THBS4: variants seen among roughly 807,000 people sequenced by gnomAD.
THBS4 encodes the protein thrombospondin 4, also known as thrombospondin-4.
A neutral mutation model predicts 115.7 loss-of-function variants in THBS4; 90 were observed. The ratio of observed to expected loss-of-function variants is 0.78; its 90% CI spans 0.66 to 0.93. The LOEUF is 0.93. THBS4 is among the 40% of genes least tolerant of loss of function. The pLI is 0.00. For missense variants in THBS4, 1,087 were observed against 1,232.7 expected (o/e 0.88, Z 1.77); for synonymous variants, 460 against 479.3 (o/e 0.96, Z 0.53).
chr5:80,036,787 T>C (rs1322126739), intron 1 of THBS4, among the ~76,000 whole-genome samples: 2 of 152,218 alleles, frequency 1.3e-5, no homozygotes, highest in Non-Finnish European at 2.9e-5. Flanking sequence ...TATTACTGAC[T>C]GTGGAAGTAA....
In THBS4 at chr5:80,040,283, A is replaced by G; in HGVS notation, c.292+3A>G. On this transcript the variant is annotated splice_donor_region_variant and intron_variant, in intron 2 of 21. Coordinates refer to ENST00000350881, the MANE Select transcript of THBS4 (RefSeq NM_003248.6). ...TGTGATGGGACGCTTAAACAAAGGT[A>G]AGCAAATTTGCTGAAATTATTTTCT... 6.2e-7 allele frequency: 1 copy of G among 1,609,150 alleles called. No individual in the cohort carries two copies. Among genetic ancestry groups the G allele is most frequent in the Non-Finnish European group, 8.5e-7 (1 of 1,176,714 alleles).
intron 2 of THBS4, among the ~76,000 whole-genome samples, chr5:80,054,525 T>C (rs1833361068): frequency 6.6e-6 from 1 of 152,158 alleles, no homozygotes; most frequent in Non-Finnish European, 1.5e-5. Context: ...TTCACCATAT[T>C]GGTCAGGCTG....
intron 2 of THBS4, among the ~76,000 whole-genome samples, chr5:80,042,178 T>C (rs893869876): frequency 1.3e-5 from 2 of 152,188 alleles, no homozygotes; most frequent in Admixed American, 6.5e-5. Context: ...CCTGTCCCCC[T>C]TTCCCCATCT....
chr5:80,017,271 AAG>A (rs931124223), intron 2 of THBS4, among the ~76,000 whole-genome samples: 1 of 152,180 alleles, frequency 6.6e-6, no homozygotes, highest in Non-Finnish European at 1.5e-5. Context: ...TCGAATCTGA[AAG>A]AAATTTTTTA....
At chr5:79,993,009 G>A (rs1831717581) in intron 1 of THBS4, among the ~76,000 whole-genome samples, 1 of 152,192 alleles carries the variant, frequency 6.6e-6, no homozygotes, top group African/African-American at 2.4e-5. Context: ...ACTACATTCA[G>A]GCATTTAAAA....
In THBS4 at chr5:80,070,423, G is replaced by A; in HGVS notation, c.1452+13G>A. On this transcript the variant is annotated intron_variant, in intron 11 of 21. Transcript: ENST00000350881. Reference sequence around the variant, plus strand: ...GAACTGTAAAAAGGTAAGGGGTGTGGGGTGGCAGTAGGCACACATGCACTG... The same window carrying A: ...GAACTGTAAAAAGGTAAGGGGTGTGAGGTGGCAGTAGGCACACATGCACTG... The A allele has an allele frequency of 6.2e-7, 1 of 1,611,952 alleles. No individual in the cohort carries two copies. The highest frequency in any genetic ancestry group is 8.5e-7 in the Non-Finnish European group (1 of 1,178,012).
At chr5:80,025,516 G>A (rs549182841) in intron 2 of THBS4, among the ~76,000 whole-genome samples, 1 of 152,296 alleles carries the variant, frequency 6.6e-6, no homozygotes, top group South Asian at 2.1e-4. Context: ...GGGAGCTGCT[G>A]TGGATGAAGT....
At chr5:80,014,676 T>G (rs2434319) in intron 2 of THBS4, among the ~76,000 whole-genome samples, 2 of 152,040 alleles carry the variant, frequency 1.3e-5, no homozygotes, top group Non-Finnish European at 2.9e-5. Flanking sequence ...ATTTGGGGTA[T>G]GAGGAATGTG....
rs1037011240 is a variant in THBS4, at chr5:80,058,207, ACTT to A, written c.546_548del (p.Phe182del). On this transcript the variant is annotated inframe_deletion and splice_region_variant, in exon 4 of 22. Coordinates refer to ENST00000350881, the MANE Select transcript of THBS4 (RefSeq NM_003248.6). ...TGGTATGAATGTGATTTCTTCCAGGACTTCTTGGAAGAGCTGAAGCTGGTGGTG... is the reference window on the plus strand; with the variant it reads ...TGGTATGAATGTGATTTCTTCCAGGACTTGGAAGAGCTGAAGCTGGTGGTG... 1.3e-5 allele frequency: 21 copies of A among 1,568,670 alleles called. No homozygotes were observed. Among genetic ancestry groups the A allele is most frequent in the Non-Finnish European group, 1.8e-5 (21 of 1,155,126 alleles).
At chr5:80,080,148 T>G (rs1381407319) in intron 20 of THBS4, 71 bp downstream of exon 20, 1 of 1,508,144 alleles carries the variant, frequency 6.6e-7, no homozygotes, top group East Asian at 2.4e-5. Flanking sequence ...CCCAGAGCCT[T>G]CATTTCCCTG....
chr5:80,002,986 C>A (rs1831934803), intron 2 of THBS4, among the ~76,000 whole-genome samples: 1 of 150,788 alleles, frequency 6.6e-6, no homozygotes, highest in East Asian at 1.9e-4. Context: ...TTCCCTGATT[C>A]TTAACAGAAC....
intron 6 of THBS4, 34 bp downstream of exon 6, chr5:80,059,525 T>A (rs1231656542): frequency 1.9e-6 from 3 of 1,613,444 alleles, no homozygotes; most frequent in Non-Finnish European, 2.5e-6. Flanking sequence ...CTCGCCTGAG[T>A]TGGATGATGC....
intron 1 of THBS4, among the ~76,000 whole-genome samples, chr5:79,994,848 A>G (rs778300564): frequency 6.6e-6 from 1 of 152,260 alleles, no homozygotes; most frequent in Non-Finnish European, 1.5e-5. Flanking sequence ...ATTAGGAAGT[A>G]CCATTTTGTC....
chr5:80,059,796 A>T lies in THBS4; in HGVS notation c.878A>T (p.Asn293Ile). The change falls in exon 7 of 22, where the codon AAC (asparagine) becomes ATC (isoleucine). Residue 293 changes from asparagine (N) to isoleucine (I), a missense_variant. Physicochemically the swap from Asn to Ile is moderately radical, Grantham distance 149. Around this residue, in one of 3 missense-constraint regions of THBS4, gnomAD observed 979 missense variants for 1,103.7 expected, o/e 0.89. Coordinates refer to ENST00000350881, the MANE Select transcript of THBS4 (RefSeq NM_003248.6). Reference protein sequence around the residue: ...PTRPPRRCDSNPCFRGVQCTD... With the variant: ...PTRPPRRCDSIPCFRGVQCTD... ...CGCCCACCTCGTCGGTGTGACTCCAACCCATGTTTCCGAGGTGTCCAATGT... is the reference window on the plus strand; with the variant it reads ...CGCCCACCTCGTCGGTGTGACTCCATCCCATGTTTCCGAGGTGTCCAATGT... 6.2e-7 allele frequency: 1 copy of T among 1,614,104 alleles called. No individual in the cohort carries two copies. Among genetic ancestry groups the T allele is most frequent in the South Asian group, 1.1e-5 (1 of 91,080 alleles).
chr5:80,059,877 A>G lies in THBS4; in HGVS notation c.959A>G (p.Asn320Ser), dbSNP rs530188361. ...CCCTGCCCCGAGGGCTACACAGGAA[A>G]CGGGATCACCTGTATTGATGTTGAT... ...CGPCPEGYTG[N>S]GITCIDVDEC... The change falls in exon 7 of 22, where the codon AAC becomes AGC. Residue 320 changes from asparagine to serine, a missense_variant. Physicochemically the swap from Asn to Ser is conservative, Grantham distance 46. Around this residue, in one of 3 missense-constraint regions of THBS4, gnomAD observed 979 missense variants for 1,103.7 expected, o/e 0.89. Transcript: ENST00000350881. 2.3e-4 allele frequency: 372 copies of G among 1,614,152 alleles called. 9 individuals are homozygous for G. In the South Asian group the frequency reaches 3.8e-3, roughly 16 times the overall value.
intron 1 of THBS4, among the ~76,000 whole-genome samples, chr5:80,037,558 T>C (rs556186298): frequency 6.6e-6 from 1 of 152,286 alleles, no homozygotes; most frequent in East Asian, 1.9e-4. Flanking sequence ...CAAAACACTC[T>C]CTATGTTCAT....
intron 2 of THBS4, among the ~76,000 whole-genome samples, chr5:80,002,577 A>G (rs1444282628): frequency 6.6e-6 from 1 of 152,004 alleles, no homozygotes; most frequent in East Asian, 1.9e-4. Flanking sequence ...TCTTTTAAAT[A>G]GAAAGGGTGC....
chr5:80,073,606 G>A lies in THBS4; in HGVS notation c.1892+279G>A, dbSNP rs565612522. Among the ~76,000 whole-genome samples the A allele has an allele frequency of 3.0e-3, 463 of 152,160 alleles. 4 individuals are homozygous for A. The highest frequency in any genetic ancestry group is 5.3e-3 in the Non-Finnish European group (360 of 67,986). On this transcript the variant is annotated intron_variant, in intron 15 of 21. Coordinates refer to ENST00000350881, the MANE Select transcript of THBS4 (RefSeq NM_003248.6). ...TCACCATGTTAGCCAGGATGGTCTCGATCTCCTGACCTTGTGATCTGCCCG... is the reference window on the plus strand; with the variant it reads ...TCACCATGTTAGCCAGGATGGTCTCAATCTCCTGACCTTGTGATCTGCCCG...
At chr5:80,074,419 C>T (rs1743084989) in intron 15 of THBS4, 2 of 152,160 alleles carry the variant, frequency 1.3e-5, no homozygotes, top group South Asian at 4.2e-4. Flanking sequence ...CACCTGCAAC[C>T]CAAGGTTCTA....
Sources: allele counts gnomAD v4.1 joint callset (sites outside exome capture counted in the v4.1 genomes callset), GRCh38; gene constraint gnomAD v4.1.1; regional missense constraint gnomAD v4.1.1; transcripts MANE v1.5; gene names NCBI Gene and HGNC (gene_info 2026-07-23, HGNC 2026-07-21).